Variants in SCFD2 observed in about 807,000 individuals in gnomAD.
SCFD2 encodes sec1 family domain containing 2.
In SCFD2, 54 loss-of-function variants were observed where a neutral mutation model predicts 58.9. The ratio of observed to expected loss-of-function variants is 0.92; its 90% confidence interval spans 0.74 to 1.15. SCFD2 has a LOEUF of 1.15. SCFD2 is among the 50% of genes most tolerant of loss of function. SCFD2 has a pLI of 0.00. For synonymous variants in SCFD2, 321 were observed against 335.9 expected, an observed-to-expected ratio of 0.96 and a Z score of 0.49; for missense variants, 805 against 836.6, an observed-to-expected ratio of 0.96 and a Z score of 0.47.
chr4:52,951,899 T>G (rs1224179508), intron 5 of SCFD2, among the ~76,000 whole-genome samples: 1 of 152,208 alleles, frequency 6.6e-6, no homozygotes, highest in Non-Finnish European at 1.5e-5. Flanking sequence ...AATTTGTTAC[T>G]GCAGCAAAAC....
At chr4:53,196,438 A>C (rs1728058383) in intron 4 of SCFD2, among the ~76,000 whole-genome samples, 2 of 152,134 alleles carry the variant, frequency 1.3e-5, no homozygotes, top group Admixed American at 6.6e-5. Context: ...GAGGATATAA[A>C]TCTTTCTCCA....
intron 5 of SCFD2, among the ~76,000 whole-genome samples, chr4:53,035,491 A>C (rs2148821132): frequency 6.6e-6 from 1 of 152,318 alleles, no homozygotes; most frequent in African/African-American, 2.4e-5. Flanking sequence ...TCATTAAACT[A>C]AAGAGCTTCT....
intron 7 of SCFD2, among the ~76,000 whole-genome samples, chr4:52,899,325 G>A (rs1719117156): frequency 1.3e-5 from 2 of 152,162 alleles, no homozygotes; most frequent in African/African-American, 4.8e-5. Context: ...TCTTTCAGGA[G>A]CTCTTTTAGG....
chr4:53,333,324 G>C (rs1366101862), intron 2 of SCFD2, among the ~76,000 whole-genome samples: 4 of 146,768 alleles, frequency 2.7e-5, no homozygotes, highest in Admixed American at 2.1e-4. Context: ...AAAGCTGGAG[G>C]CATCACGCTA....
intron 5 of SCFD2, among the ~76,000 whole-genome samples, chr4:53,138,220 G>A (rs1210392159): frequency 6.6e-6 from 1 of 152,020 alleles, no homozygotes; most frequent in Admixed American, 6.6e-5. Flanking sequence ...ATGGTCAGTA[G>A]GGCAGTTACG....
intron 3 of SCFD2, among the ~76,000 whole-genome samples, chr4:53,299,633 G>C (rs1052590032): frequency 3.9e-5 from 6 of 151,924 alleles, no homozygotes; most frequent in Admixed American, 1.3e-4. Context: ...GCAACTCCAA[G>C]ACACATAATT....
chr4:52,966,798 C>T (rs781276078), intron 5 of SCFD2, among the ~76,000 whole-genome samples: 1 of 152,024 alleles, frequency 6.6e-6, no homozygotes, highest in Non-Finnish European at 1.5e-5. Context: ...AAAGTATAAA[C>T]TTTATACAGA....
At chr4:53,246,334 G>C (rs1310325389) in intron 4 of SCFD2, among the ~76,000 whole-genome samples, 1 of 152,100 alleles carries the variant, frequency 6.6e-6, no homozygotes, top group African/African-American at 2.4e-5. Flanking sequence ...TCCAAAACTA[G>C]AAAACACTAT....
chr4:53,363,745 C>T (rs1488026318), intron 1 of SCFD2, among the ~76,000 whole-genome samples: 2 of 150,744 alleles, frequency 1.3e-5, no homozygotes. Flanking sequence ...ATGGCGTGAA[C>T]CCGGGAGGCG....
chr4:52,936,455 T>C (rs976644481), intron 5 of SCFD2, among the ~76,000 whole-genome samples: 4 of 152,170 alleles, frequency 2.6e-5, no homozygotes, highest in Admixed American at 2.0e-4. Flanking sequence ...GTCAGGTACA[T>C]ATATTTTTGT....
At chr4:52,983,639 G>A (rs1173843072) in intron 5 of SCFD2, among the ~76,000 whole-genome samples, 1 of 152,110 alleles carries the variant, frequency 6.6e-6, no homozygotes, top group Non-Finnish European at 1.5e-5. Flanking sequence ...CCAGTTCCAG[G>A]AGCTGAGAGC....
intron 4 of SCFD2, among the ~76,000 whole-genome samples, chr4:53,212,610 A>ATGTGTG (rs1728657037): frequency 8.9e-6 from 1 of 112,858 alleles, no homozygotes; most frequent in Non-Finnish European, 1.8e-5. Context: ...GTGTGTGTGC[A>ATGTGTG]TGTGGTGTCT....
At chr4:52,923,174 C>T (rs974008191) in intron 5 of SCFD2, among the ~76,000 whole-genome samples, 2 of 152,028 alleles carry the variant, frequency 1.3e-5, no homozygotes, top group East Asian at 3.9e-4. Context: ...ATGTCCAACC[C>T]ATTGCCATGA....
At chr4:52,986,454 G>A (rs957443648) in intron 5 of SCFD2, among the ~76,000 whole-genome samples, 34 of 148,510 alleles carry the variant, frequency 2.3e-4, no homozygotes, top group African/African-American at 8.4e-4. Flanking sequence ...AGAGAAGAAA[G>A]ACACTACCTT....
chr4:53,203,631 ATAAGGT>A (rs1728320383), intron 4 of SCFD2, among the ~76,000 whole-genome samples: 1 of 152,124 alleles, frequency 6.6e-6, no homozygotes, highest in South Asian at 2.1e-4. Flanking sequence ...AAGCCAATGA[ATAAGGT>A]TAAAGGACTT....
intron 4 of SCFD2, among the ~76,000 whole-genome samples, chr4:53,205,629 G>T (rs1728381334): frequency 6.6e-6 from 1 of 152,128 alleles, no homozygotes; most frequent in South Asian, 2.1e-4. Flanking sequence ...GGAGGCCGAG[G>T]TGGGCGGATC....
intron 2 of SCFD2, among the ~76,000 whole-genome samples, chr4:53,320,678 T>A (rs573686893): frequency 6.6e-6 from 1 of 152,296 alleles, no homozygotes; most frequent in South Asian, 2.1e-4. Flanking sequence ...AAACTTCACA[T>A]GCACAAATTT....
At chr4:53,355,566 C>T (rs1316201146) in intron 1 of SCFD2, among the ~76,000 whole-genome samples, 1 of 152,146 alleles carries the variant, frequency 6.6e-6, no homozygotes, top group East Asian at 1.9e-4. Flanking sequence ...AATCCTCATA[C>T]TCTTTACATA....
intron 5 of SCFD2, among the ~76,000 whole-genome samples, chr4:53,078,549 G>A (rs1724048727): frequency 6.6e-6 from 1 of 152,142 alleles, no homozygotes; most frequent in Non-Finnish European, 1.5e-5. Context: ...AAAATCAAGA[G>A]GCATTTCCTC....
Sources: gnomAD v4.1 joint callset for allele counts (sites outside exome capture counted in the v4.1 genomes callset) on GRCh38, gnomAD v4.1.1 for gene constraint, MANE v1.5 for transcripts, NCBI Gene and HGNC (gene_info 2026-07-23, HGNC 2026-07-21) for gene names.